The following LRCH1 variants were observed in gnomAD, a reference collection of about 807,000 sequenced individuals.
The protein encoded by LRCH1 is leucine rich repeats and calponin homology domain containing 1, also known as leucine-rich repeat and calponin homology domain-containing protein 1.
Under a neutral mutation model 94.9 loss-of-function variants are expected in LRCH1, and 23 were observed. That is an observed-to-expected ratio of 0.24 (90% confidence interval 0.17 to 0.34). The LOEUF (loss-of-function observed/expected upper bound fraction) is 0.34. LRCH1 is among the 10% of genes least tolerant of loss of function. LRCH1 has a pLI of 1.00. For missense variants in LRCH1, 790 were observed against 945.9 expected (o/e 0.84, Z 2.16); for synonymous variants, 364 against 354.9 (o/e 1.03, Z -0.29).
Position 46,582,247 on chromosome 13 carries a change from A to G in LRCH1, c.307+28544A>G, listed in dbSNP as rs184231297. Among the ~76,000 whole-genome samples, 54 of 151,986 alleles carry G rather than the reference A, an allele frequency of 3.6e-4. 1 individual carries two copies. The highest frequency in any genetic ancestry group is 1.3e-3 in the Admixed American group (20 of 15,264). ...ATTTAAAAAACCTGATTGCTGTTGC[A>G]GTAGGACTGTTTAAAAAAGGAAAGA... On this transcript the variant is annotated intron_variant, in intron 1 of 19. Transcript: ENST00000389797.
At position 46,553,204 on chromosome 13, in the gene LRCH1, A is replaced by G. The variant is rs1005771527; in HGVS notation, c.-193A>G. ...AGCTTCCCGGGGACAGGAAACCTTC[A>G]AGACCGAGCTGCCACGGCCGCCTCC... On this transcript the variant is annotated 5_prime_UTR_variant, in exon 1 of 20. Transcript: ENST00000389797. 15 of 570,504 alleles carry G rather than the reference A, an allele frequency of 2.6e-5. No homozygotes were observed. Among genetic ancestry groups the G allele is most frequent in the Non-Finnish European group, 4.6e-5 (15 of 325,516 alleles). The allele number at this position is 570,504 out of a possible 1,614,324, so 35.3% of individuals were successfully genotyped here.
chr13:46,670,902 G>C (rs1264995360), intron 3 of LRCH1, among the ~76,000 whole-genome samples: 2 of 152,296 alleles, frequency 1.3e-5, no homozygotes, highest in Admixed American at 6.5e-5. Flanking sequence ...GTCGTGCTTG[G>C]GAGTAGGAAG....
At chr13:46,553,730 G>A (rs750003102) in intron 1 of LRCH1, 27 bp downstream of exon 1, 3 of 1,602,004 alleles carry the variant, frequency 1.9e-6, no homozygotes, top group Non-Finnish European at 2.6e-6. Flanking sequence ...GGGCGGGCAG[G>A]GGTGTGGGTG....
intron 1 of LRCH1, among the ~76,000 whole-genome samples, chr13:46,633,118 G>T (rs140044950): frequency 6.6e-6 from 1 of 152,144 alleles, no homozygotes; most frequent in East Asian, 1.9e-4. Context: ...TATCAGTGCT[G>T]CCCTAGCTAA....
chr13:46,623,996 G>A (rs182235815), intron 1 of LRCH1, among the ~76,000 whole-genome samples: 39 of 151,728 alleles, frequency 2.6e-4, no homozygotes, highest in Middle Eastern at 3.4e-3. Context: ...CGATCCTCCC[G>A]CCTCAGCCTC....
At chr13:46,728,001 C>T (rs1387772408) in intron 17 of LRCH1, among the ~76,000 whole-genome samples, 1 of 151,760 alleles carries the variant, frequency 6.6e-6, no homozygotes, top group Non-Finnish European at 1.5e-5. Flanking sequence ...ACTGCAACCT[C>T]CATCTCCTGA....
intron 1 of LRCH1, among the ~76,000 whole-genome samples, chr13:46,623,694 T>TTG (rs1317184965): frequency 1.1e-4 from 1 of 9,030 alleles, no homozygotes; most frequent in African/African-American, 2.3e-3. Flanking sequence ...CCTGTCTCTG[T>TTG]TTTTTTTTTT....
downstream of LRCH1, among the ~76,000 whole-genome samples, chr13:46,749,258 T>C (rs1874029288): frequency 6.6e-6 from 1 of 152,162 alleles, no homozygotes; most frequent in South Asian, 2.1e-4. Flanking sequence ...ACCTAGACGA[T>C]ATTATGCTAA....
intron 11 of LRCH1, among the ~76,000 whole-genome samples, chr13:46,702,131 G>A (rs1871508858): frequency 1.3e-5 from 2 of 152,172 alleles, no homozygotes; most frequent in Non-Finnish European, 2.9e-5. Flanking sequence ...GTGCACCTTG[G>A]GGGATGTAAA....
At position 46,744,588 on chromosome 13, in the gene LRCH1, G is replaced by A. The variant is rs1222332476; in HGVS notation, c.*2740G>A. ...TCGAGTATAAATTTCATCAATGAGA[G>A]TAGATAAATAAAGGCACTTGATAGC... On this transcript the variant is annotated 3_prime_UTR_variant, in exon 20 of 20. Coordinates refer to ENST00000389797, the MANE Select transcript of LRCH1 (RefSeq NM_001164211.2). 1.0e-6 allele frequency: 1 copy of A among 985,280 alleles called. No individual in the cohort carries two copies. The highest frequency in any genetic ancestry group is 1.7e-5 in the African/African-American group (1 of 57,226). 61.0% of individuals were successfully genotyped at this position (985,280 alleles called of 1,614,324 possible).
At chr13:46,708,471 C>T (rs934525239) in intron 13 of LRCH1, among the ~76,000 whole-genome samples, 3 of 151,998 alleles carry the variant, frequency 2.0e-5, no homozygotes, top group Non-Finnish European at 4.4e-5. Flanking sequence ...AGGGTTTTGC[C>T]ACGTTGGCCA....
chr13:46,585,563 A>C (rs553645549), intron 1 of LRCH1, among the ~76,000 whole-genome samples: 252 of 151,956 alleles, frequency 1.7e-3, no homozygotes, highest in Non-Finnish European at 2.8e-3. Context: ...AAAAAAAAAA[A>C]AAAAAAAACA....
At chr13:46,670,536 G>C (rs765572293) in intron 3 of LRCH1, among the ~76,000 whole-genome samples, 1 of 152,160 alleles carries the variant, frequency 6.6e-6, no homozygotes, top group Non-Finnish European at 1.5e-5. Context: ...TGTTCTCGCC[G>C]ACTGAGTCTG....
chr13:46,584,463 A>G (rs2050408178), intron 1 of LRCH1, among the ~76,000 whole-genome samples: 2 of 152,318 alleles, frequency 1.3e-5, no homozygotes, highest in South Asian at 4.1e-4. Context: ...TTGAAGAGAT[A>G]AGACACCAAA....
chr13:46,645,947 T>C (rs1445915365), intron 1 of LRCH1, among the ~76,000 whole-genome samples: 1 of 97,242 alleles, frequency 1.0e-5, no homozygotes, highest in Non-Finnish European at 2.2e-5. Flanking sequence ...GTTTGGAATG[T>C]AAACTGGACC....
chr13:46,586,716 G>A (rs1325812007), intron 1 of LRCH1, among the ~76,000 whole-genome samples: 1 of 152,194 alleles, frequency 6.6e-6, no homozygotes. Context: ...ACCATGCCCA[G>A]CTTCAGTTAA....
intron 19 of LRCH1, among the ~76,000 whole-genome samples, chr13:46,737,950 C>T (rs532122755): frequency 7.2e-4 from 110 of 152,128 alleles, no homozygotes; most frequent in Non-Finnish European, 1.4e-3. Flanking sequence ...TTATTTGGTT[C>T]ACCAGGGAAA....
At chr13:46,657,500 C>CTTTTTTTTTTTTTTTTTTTT (rs67588975) in intron 2 of LRCH1, among the ~76,000 whole-genome samples, 8 of 11,390 alleles carry the variant, frequency 7.0e-4, no homozygotes, top group Admixed American at 1.6e-3. Context: ...CTTTTCTTTT[C>CTTTTTTTTTTTTTTTTTTTT]TTTTTTTTTT....
chr13:46,649,338 T>C (rs899577290), intron 1 of LRCH1, among the ~76,000 whole-genome samples: 2 of 152,226 alleles, frequency 1.3e-5, no homozygotes, highest in Admixed American at 6.5e-5. Context: ...GTTCTTTCCT[T>C]ATAGTCTATG....
Sources: gnomAD v4.1 joint callset for allele counts (sites outside exome capture counted in the v4.1 genomes callset) on GRCh38, gnomAD v4.1.1 for gene constraint, MANE v1.5 for transcripts, NCBI Gene and HGNC (gene_info 2026-07-23, HGNC 2026-07-21) for gene names.